Variants in GOT1 observed in about 807,000 individuals in gnomAD.
GOT1 encodes glutamic-oxaloacetic transaminase 1.
A neutral mutation model predicts 48.2 loss-of-function variants in GOT1; 25 were observed. The ratio of observed to expected loss-of-function variants is 0.52; its 90% CI spans 0.38 to 0.72. GOT1 has a LOEUF of 0.72. GOT1 is among the 30% of genes least tolerant of loss of function. GOT1 has a pLI of 0.00. For synonymous variants in GOT1, 188 were observed against 193.8 expected, an observed-to-expected ratio of 0.97 and a Z score of 0.25; for missense variants, 380 against 520.1, an observed-to-expected ratio of 0.73 and a Z score of 2.62.
At chr10:99,408,842 T>A (rs1162145430) in intron 2 of GOT1, among the ~76,000 whole-genome samples, 1 of 152,160 alleles carries the variant, frequency 6.6e-6, no homozygotes, top group Non-Finnish European at 1.5e-5. Context: ...AATCTATAAG[T>A]CGTTTTTTTA....
chr10:99,403,297 C>T (rs998312478), intron 7 of GOT1, among the ~76,000 whole-genome samples, 172 bp downstream of exon 7: 6 of 152,020 alleles, frequency 3.9e-5, no homozygotes, highest in African/African-American at 9.7e-5. Context: ...GTGTTATGCA[C>T]GTGTGAGGTA....
At chr10:99,403,252 A>G (rs999065336) in intron 7 of GOT1, among the ~76,000 whole-genome samples, 8 of 152,060 alleles carry the variant, frequency 5.3e-5, no homozygotes, top group Non-Finnish European at 1.0e-4. Context: ...GAAAACTACC[A>G]TTCATCGAGT....
intron 2 of GOT1, among the ~76,000 whole-genome samples, chr10:99,414,994 G>T (rs1453918675): frequency 6.6e-6 from 1 of 151,714 alleles, no homozygotes; most frequent in Non-Finnish European, 1.5e-5. Context: ...AAGCAGGAAA[G>T]ATCTAAAATT....
intron 3 of GOT1, 52 bp downstream of exon 3, chr10:99,406,674 G>T (rs1424395330): frequency 1.6e-5 from 25 of 1,575,202 alleles, no homozygotes; most frequent in Admixed American, 5.0e-5. Flanking sequence ...GAGTCATGAG[G>T]ATAATTCTCT....
At chr10:99,421,170 C>A (rs1012180480) in intron 1 of GOT1, among the ~76,000 whole-genome samples, 3 of 152,212 alleles carry the variant, frequency 2.0e-5, no homozygotes, top group African/African-American at 7.2e-5. Flanking sequence ...ATGTCAATAT[C>A]ACTAGTGCAC....
intron 2 of GOT1, among the ~76,000 whole-genome samples, chr10:99,412,350 G>A (rs1326856157): frequency 2.0e-5 from 3 of 151,818 alleles, no homozygotes; most frequent in Non-Finnish European, 4.4e-5. Context: ...GGGGTGGGGA[G>A]TGGGAACAGG....
At chr10:99,406,876 G>A (rs1167561643) in intron 2 of GOT1, 27 bp from the exon 3 acceptor site, 2 of 1,610,904 alleles carry the variant, frequency 1.2e-6, no homozygotes, top group Non-Finnish European at 1.7e-6. Context: ...AGGGTCACAG[G>A]CTGATAATGG....
At position 99,406,670 on chromosome 10, in the gene GOT1, T is replaced by C. The variant is rs1407911967; in HGVS notation, c.424+56A>G. On this transcript the variant is annotated intron_variant, in intron 3 of 8. Transcript: ENST00000370508. ...TTTTCTGTGTAACCAGGGAGAGTCA[T>C]GAGGATAATTCTCTCTGGTTTCTGT... 8 of 1,562,346 alleles carry C rather than the reference T, an allele frequency of 5.1e-6. No homozygotes were observed. In the South Asian group the frequency reaches 9.0e-5, roughly 17 times the overall value.
At chr10:99,417,588 C>A (rs1277473695) in intron 2 of GOT1, among the ~76,000 whole-genome samples, 1 of 152,142 alleles carries the variant, frequency 6.6e-6, no homozygotes, top group African/African-American at 2.4e-5. Context: ...GGTATATACC[C>A]AAAGGATTAT....
intron 1 of GOT1, among the ~76,000 whole-genome samples, chr10:99,423,626 G>A (rs546794327): frequency 1.7e-4 from 26 of 152,110 alleles, no homozygotes; most frequent in African/African-American, 5.8e-4. Flanking sequence ...TCTACCCTCC[G>A]GCTCTGGTGA....
rs971535167 is a variant in GOT1, at chr10:99,406,784, A to G, written c.366T>C (p.Arg122=). The G allele has an allele frequency of 3.7e-6, 6 of 1,613,742 alleles. No homozygotes were observed. The highest frequency in any genetic ancestry group is 1.3e-5 in the African/African-American group (1 of 74,898). Residue 122 remains arginine (R), a synonymous_variant, in exon 3 of 9, where the codon CGT becomes CGC. Transcript: ENST00000370508. ...ALRIGADFLA[R]WYNGTNNKNT... Reference sequence around the variant, plus strand: ...TCTTGTTGTTTGTTCCATTGTACCAACGCGCTAAGAAATCAGCTCCAATTC... The same window carrying G: ...TCTTGTTGTTTGTTCCATTGTACCAGCGCGCTAAGAAATCAGCTCCAATTC...
chr10:99,398,625 C>T (rs1173229055), intron 8 of GOT1, among the ~76,000 whole-genome samples: 1 of 150,492 alleles, frequency 6.6e-6, no homozygotes, highest in African/African-American at 2.5e-5. Flanking sequence ...GAGCCGAGAT[C>T]ACACCACTGC....
chr10:99,403,934 G>A (rs745578439), intron 5 of GOT1, 60 bp from the exon 6 acceptor site: 109 of 1,551,416 alleles, frequency 7.0e-5, no homozygotes, highest in Middle Eastern at 2.3e-4. Flanking sequence ...CTCAGACACC[G>A]GCCTTCCTTC....
At position 99,420,690 on chromosome 10, in the gene GOT1, A is replaced by G. The variant is rs758456921; in HGVS notation, c.234T>C (p.Ala78=). The G allele has an allele frequency of 3.1e-6, 5 of 1,614,000 alleles. No individual in the cohort carries two copies. The African/African-American group carries it at 5.3e-5, about 17-fold the overall frequency. The part of the protein sequence containing the change: ...NHEYLPILGL[A]EFRSCASRLA... ...GACGAGAAGCACAGCTCCGGAACTC[A>G]GCCAGGCCCAGGATTGGCAGATACT... The change falls in exon 2 of 9, where the codon GCT becomes GCC. Residue 78 remains alanine, a synonymous_variant. Coordinates refer to ENST00000370508, the MANE Select transcript of GOT1 (RefSeq NM_002079.3).
intron 2 of GOT1, among the ~76,000 whole-genome samples, chr10:99,409,518 A>T (rs193226876): frequency 7.0e-4 from 107 of 152,348 alleles, no homozygotes; most frequent in African/African-American, 2.3e-3. Flanking sequence ...CTAAAAGACA[A>T]CAAAAGGGAA....
chr10:99,402,720 GTCC>G lies in GOT1; in HGVS notation c.960-1_961del, dbSNP rs2032697724. The stretch of plus-strand genomic sequence containing the variant: ...GTCAGCCATTGTCTTCACATTACCT[GTCC>G]TGAAGCATGGACAGTGACGTAAATA... On this transcript the variant is annotated splice_acceptor_variant and coding_sequence_variant, in exon 8 of 9. Transcript: ENST00000370508. LOFTEE classifies it high-confidence loss of function. 6 of 1,613,134 alleles carry G rather than the reference GTCC, an allele frequency of 3.7e-6. No homozygotes were observed. The highest frequency in any genetic ancestry group is 5.1e-6 in the Non-Finnish European group (6 of 1,179,212).
intron 4 of GOT1, 29 bp from the exon 5 acceptor site, chr10:99,405,889 G>T: frequency 8.2e-7 from 1 of 1,218,796 alleles, no homozygotes; most frequent in Non-Finnish European, 1.2e-6. Context: ...TGTCAGCTCT[G>T]ACACTGATGG....
intron 1 of GOT1, among the ~76,000 whole-genome samples, chr10:99,428,105 T>G (rs1483096617): frequency 1.1e-4 from 16 of 152,228 alleles, no homozygotes; most frequent in Non-Finnish European, 5.9e-5. Flanking sequence ...AGTTTATTTC[T>G]GAACCAAGGT....
At chr10:99,413,550 G>A (rs185180476) in intron 2 of GOT1, among the ~76,000 whole-genome samples, 70 of 152,304 alleles carry the variant, frequency 4.6e-4, no homozygotes, top group Middle Eastern at 3.4e-3. Flanking sequence ...CCCCAACCTA[G>A]CAAGGCAGGC....
Sources: allele counts gnomAD v4.1 joint callset (sites outside exome capture counted in the v4.1 genomes callset), GRCh38; gene constraint gnomAD v4.1.1; transcripts MANE v1.5; gene names NCBI Gene and HGNC (gene_info 2026-07-23, HGNC 2026-07-21).